PDE1C: variants seen among roughly 807,000 people sequenced by gnomAD.
The protein encoded by PDE1C is phosphodiesterase 1C, also known as dual specificity calcium/calmodulin-dependent 3',5'-cyclic nucleotide phosphodiesterase 1C.
A neutral mutation model predicts 93.1 loss-of-function variants in PDE1C; 62 were observed. That is an observed-to-expected ratio of 0.67 (90% CI 0.54 to 0.82). The LOEUF is 0.82. Among genes scored for constraint, PDE1C ranks in the 40% least tolerant of loss-of-function variants. The pLI is 0.00. For missense variants in PDE1C, 742 were observed against 884.6 expected (o/e 0.84, Z 2.04); for synonymous variants, 325 against 310.1 (o/e 1.05, Z -0.50).
chr7:31,632,020 C>G, the PDE1C span, among the ~76,000 whole-genome samples: 1 of 152,122 alleles, frequency 6.6e-6, no homozygotes, highest in Admixed American at 6.5e-5. Context: ...ATGAAGGCTT[C>G]CAGTAGAAGG....
chr7:31,758,237 T>A lies in PDE1C; in HGVS notation c.1961-4684A>T, dbSNP rs547934672. ...GTGCAGCACACCAACATGGCCCATG[T>A]ATACGTATGTAACAAACCTGCACGT... On this transcript the variant is annotated intron_variant, in intron 17 of 17. Transcript: ENST00000396191. Among the ~76,000 whole-genome samples the A allele has an allele frequency of 3.7e-4, 56 of 152,302 alleles. 1 individual carries two copies. The highest frequency in any genetic ancestry group is 1.3e-3 in the African/African-American group (55 of 41,562).
intron 1 of PDE1C, among the ~76,000 whole-genome samples, chr7:32,346,872 A>C (rs2128081696): frequency 6.6e-6 from 1 of 152,312 alleles, no homozygotes; most frequent in African/African-American, 2.4e-5. Flanking sequence ...TAAAATCTCT[A>C]GAACAGGGAA....
intron 1 of PDE1C, among the ~76,000 whole-genome samples, chr7:32,237,531 T>C (rs1808197414): frequency 6.6e-6 from 1 of 151,628 alleles, no homozygotes; most frequent in South Asian, 2.1e-4. Context: ...TGTTAAAACT[T>C]ACTGAACTGT....
chr7:32,309,687 A>G (rs1813118616), intron 1 of PDE1C, among the ~76,000 whole-genome samples: 1 of 152,194 alleles, frequency 6.6e-6, no homozygotes, highest in African/African-American at 2.4e-5. Context: ...TACTTTACAG[A>G]CAAGCAAATG....
chr7:31,621,780 C>A, the PDE1C span, among the ~76,000 whole-genome samples: 1 of 148,478 alleles, frequency 6.7e-6, no homozygotes, highest in South Asian at 2.1e-4. Flanking sequence ...TGTAAATGGA[C>A]TAAATGCTCC....
intron 2 of PDE1C, among the ~76,000 whole-genome samples, chr7:31,895,236 A>T (rs1799129527): frequency 6.6e-6 from 1 of 152,140 alleles, no homozygotes; most frequent in African/African-American, 2.4e-5. Context: ...TGAGGGACAG[A>T]GGGTCAGGGA....
chr7:32,223,093 G>C (rs1225631031), intron 1 of PDE1C, among the ~76,000 whole-genome samples: 4 of 152,236 alleles, frequency 2.6e-5, no homozygotes, highest in Non-Finnish European at 1.5e-5. Context: ...GCACCTCCCT[G>C]TGCAAAGCCC....
the PDE1C span, among the ~76,000 whole-genome samples, chr7:31,665,268 CTTCA>C: frequency 6.6e-6 from 1 of 152,188 alleles, no homozygotes; most frequent in African/African-American, 2.4e-5. Flanking sequence ...TTCAAAAAGA[CTTCA>C]TTGACAATTA....
intron 1 of PDE1C, among the ~76,000 whole-genome samples, chr7:32,290,461 G>A (rs542906233): frequency 2.0e-5 from 3 of 152,210 alleles, no homozygotes; most frequent in South Asian, 4.2e-4. Flanking sequence ...GAGCACACTG[G>A]GTTCTTACAT....
At chr7:31,854,862 T>C (rs1793796550) in intron 7 of PDE1C, among the ~76,000 whole-genome samples, 1 of 150,582 alleles carries the variant, frequency 6.6e-6, no homozygotes, top group African/African-American at 2.4e-5. Flanking sequence ...AGGTCAGGAG[T>C]TCAAGACCAG....
At chr7:32,337,668 A>G (rs1402825606) in intron 1 of PDE1C, among the ~76,000 whole-genome samples, 4 of 152,082 alleles carry the variant, frequency 2.6e-5, no homozygotes, top group Admixed American at 6.6e-5. Flanking sequence ...GATTGTCCAT[A>G]TTTAACACCA....
At chr7:32,125,678 T>C (rs1299028096) in intron 3 of PDE1C, among the ~76,000 whole-genome samples, 9 of 149,554 alleles carry the variant, frequency 6.0e-5, no homozygotes, top group African/African-American at 2.2e-4. Context: ...CGAGAACACA[T>C]GGATAGAGGG....
intron 2 of PDE1C, among the ~76,000 whole-genome samples, chr7:31,946,192 C>G (rs1422913509): frequency 2.0e-5 from 3 of 152,058 alleles, no homozygotes; most frequent in Non-Finnish European, 4.4e-5. Context: ...TGTTTTGTTT[C>G]TTTATGTTGG....
chr7:31,720,408 C>T, the PDE1C span, among the ~76,000 whole-genome samples: 3 of 152,108 alleles, frequency 2.0e-5, no homozygotes, highest in South Asian at 2.1e-4. Context: ...CTGCCTACAT[C>T]GTAAGCGTCT....
intron 1 of PDE1C, among the ~76,000 whole-genome samples, chr7:32,378,940 C>A (rs1186996042): frequency 6.6e-6 from 1 of 152,232 alleles, no homozygotes; most frequent in African/African-American, 2.4e-5. Context: ...GTGCAGCCAG[C>A]AGGAATAACC....
At chr7:31,711,512 G>A in the PDE1C span, among the ~76,000 whole-genome samples, 2 of 151,936 alleles carry the variant, frequency 1.3e-5, no homozygotes, top group Admixed American at 1.3e-4. Flanking sequence ...CTGAAAATAG[G>A]GTCCAAAAAC....
At chr7:32,104,882 G>T (rs1798221366) in intron 3 of PDE1C, among the ~76,000 whole-genome samples, 1 of 152,174 alleles carries the variant, frequency 6.6e-6, no homozygotes, top group Admixed American at 6.5e-5. Context: ...CAGTTCAAAT[G>T]CATGGCAGAA....
chr7:32,035,605 A>G (rs1180884899), intron 2 of PDE1C, among the ~76,000 whole-genome samples: 3 of 152,248 alleles, frequency 2.0e-5, no homozygotes, highest in Non-Finnish European at 4.4e-5. Flanking sequence ...TGATTTATAC[A>G]GTGATGGGTC....
chr7:32,032,452 A>G (rs1472356970), intron 2 of PDE1C, among the ~76,000 whole-genome samples: 1 of 152,186 alleles, frequency 6.6e-6, no homozygotes, highest in Non-Finnish European at 1.5e-5. Flanking sequence ...CGAGGCAAGA[A>G]TCAAGTTCAC....
Sources: gnomAD v4.1 joint callset for allele counts (sites outside exome capture counted in the v4.1 genomes callset) on GRCh38, gnomAD v4.1.1 for gene constraint, MANE v1.5 for transcripts, NCBI Gene and HGNC (gene_info 2026-07-23, HGNC 2026-07-21) for gene names.